Variants in APBA2 observed in about 807,000 individuals in gnomAD.
APBA2 encodes amyloid-beta A4 precursor protein-binding family A member 2.
In APBA2, 30 loss-of-function variants were observed where a neutral mutation model predicts 75.0. The ratio of observed to expected loss-of-function variants is 0.40; its 90% CI spans 0.30 to 0.54. The LOEUF is 0.54. Among genes scored for constraint, APBA2 ranks in the 20% least tolerant of loss-of-function variants. APBA2 has a pLI of 0.49. For synonymous variants in APBA2, 444 were observed against 409.6 expected (o/e 1.08, Z -1.01); for missense variants, 801 against 1,016.1 (o/e 0.79, Z 2.88).
intron 2 of APBA2, among the ~76,000 whole-genome samples, chr15:28,943,869 G>A (rs1401324042): frequency 6.6e-6 from 1 of 152,162 alleles, no homozygotes; most frequent in African/African-American, 2.4e-5. Flanking sequence ...TACATGGTGT[G>A]CCCACAGGCT....
intron 1 of APBA2, among the ~76,000 whole-genome samples, chr15:28,910,121 C>T (rs1183391900): frequency 4.6e-5 from 7 of 152,146 alleles, no homozygotes; most frequent in African/African-American, 1.7e-4. Flanking sequence ...GGATGGCCAG[C>T]GGAGTGGGGA....
intron 3 of APBA2, among the ~76,000 whole-genome samples, chr15:29,014,937 C>T (rs2039583347): frequency 6.6e-6 from 1 of 152,116 alleles, no homozygotes. Context: ...TTCTCCATTT[C>T]CTTCAAAATC....
At chr15:29,028,631 A>G (rs1308744711) in intron 3 of APBA2, among the ~76,000 whole-genome samples, 5 of 152,202 alleles carry the variant, frequency 3.3e-5, no homozygotes, top group African/African-American at 1.2e-4. Flanking sequence ...CCAACAGTAT[A>G]CAAGCATTCC....
chr15:29,056,055 C>T (rs903201364), intron 4 of APBA2, among the ~76,000 whole-genome samples: 2 of 152,164 alleles, frequency 1.3e-5, no homozygotes, highest in Admixed American at 6.5e-5. Flanking sequence ...GTGGTGAAGG[C>T]ACCTCAGGGA....
chr15:28,958,580 A>G (rs2036296315), intron 2 of APBA2, among the ~76,000 whole-genome samples: 1 of 152,160 alleles, frequency 6.6e-6, no homozygotes, highest in Admixed American at 6.5e-5. Context: ...TAATGGCTTC[A>G]TTTTGTCAGC....
At chr15:28,989,652 A>G (rs1336720597) in intron 2 of APBA2, among the ~76,000 whole-genome samples, 1 of 152,210 alleles carries the variant, frequency 6.6e-6, no homozygotes, top group Non-Finnish European at 1.5e-5. Flanking sequence ...GGGAATTGGA[A>G]GGCATCAGGC....
At chr15:29,040,817 T>C (rs890777275) in intron 3 of APBA2, among the ~76,000 whole-genome samples, 2 of 152,164 alleles carry the variant, frequency 1.3e-5, no homozygotes, top group African/African-American at 4.8e-5. Flanking sequence ...AGCAAAAAAA[T>C]CTGACTAATT....
Position 29,081,420 on chromosome 15 carries a change from C to T in APBA2, c.1069+5329C>T, listed in dbSNP as rs576209187. Among the ~76,000 whole-genome samples the T allele has an allele frequency of 5.9e-5, 9 of 152,260 alleles. No homozygotes were observed. The South Asian group carries it at 1.2e-3, about 21-fold the overall frequency. ...GCAGTCAGCAGGAATAGGGATTCGT[C>T]GTTTTAAAATCTGAACTTTTATTCA... On this transcript the variant is annotated intron_variant, in intron 6 of 14. Transcript: ENST00000683413.
intron 1 of APBA2, among the ~76,000 whole-genome samples, chr15:28,904,957 C>G (rs914192078): frequency 6.4e-4 from 98 of 152,198 alleles, no homozygotes; most frequent in African/African-American, 2.3e-3. Flanking sequence ...GGGCCGCTGA[C>G]CTGATGGGTT....
At chr15:29,045,229 C>T (rs1341264861) in intron 3 of APBA2, among the ~76,000 whole-genome samples, 2 of 151,484 alleles carry the variant, frequency 1.3e-5, no homozygotes, top group East Asian at 1.9e-4. Context: ...CAGGTGCACG[C>T]CACCATGCCT....
At chr15:29,039,666 T>C (rs1173866371) in intron 3 of APBA2, among the ~76,000 whole-genome samples, 2 of 152,156 alleles carry the variant, frequency 1.3e-5, no homozygotes, top group African/African-American at 4.8e-5. Context: ...GCGTGACCTT[T>C]CCTGCCGATG....
At chr15:29,011,886 T>A (rs2039421797) in intron 3 of APBA2, among the ~76,000 whole-genome samples, 1 of 152,222 alleles carries the variant, frequency 6.6e-6, no homozygotes, top group Admixed American at 6.5e-5. Context: ...TTGCCCTTTT[T>A]AATTATGAAT....
intron 3 of APBA2, among the ~76,000 whole-genome samples, chr15:29,043,444 CT>C: frequency 6.6e-6 from 1 of 152,228 alleles, no homozygotes; most frequent in Admixed American, 6.5e-5. Flanking sequence ...GCTTCCTGGG[CT>C]TTTTTATGCT....
At chr15:28,954,446 C>T (rs1421818025) in intron 2 of APBA2, among the ~76,000 whole-genome samples, 1 of 152,190 alleles carries the variant, frequency 6.6e-6, no homozygotes, top group Non-Finnish European at 1.5e-5. Context: ...AACTTTATCA[C>T]CTTCTTCGTG....
At chr15:28,961,110 C>T (rs1041814028) in intron 2 of APBA2, among the ~76,000 whole-genome samples, 1 of 152,108 alleles carries the variant, frequency 6.6e-6, no homozygotes, top group Non-Finnish European at 1.5e-5. Flanking sequence ...TGAGTCACAC[C>T]GGGAAGTGAT....
At chr15:28,972,730 G>T (rs1189066584) in intron 2 of APBA2, among the ~76,000 whole-genome samples, 2 of 152,176 alleles carry the variant, frequency 1.3e-5, no homozygotes, top group African/African-American at 2.4e-5. Context: ...CGGCAGAAAT[G>T]GTCTGCCCTG....
chr15:29,032,903 G>A (rs2040555050), intron 3 of APBA2, among the ~76,000 whole-genome samples: 1 of 152,212 alleles, frequency 6.6e-6, no homozygotes, highest in Non-Finnish European at 1.5e-5. Context: ...AGTACATGTG[G>A]ACAGGTCAGA....
At chr15:28,987,708 G>A in intron 2 of APBA2, among the ~76,000 whole-genome samples, 1 of 136,048 alleles carries the variant, frequency 7.4e-6, no homozygotes, top group Admixed American at 7.6e-5. Context: ...TGAAGGGAGT[G>A]TCAAAGAATA....
rs2031690453 is a variant in APBA2 at position 28,886,049 on chromosome 15, T to C, written c.-434T>C. 6.7e-6 allele frequency: 1 copy of C among 148,418 alleles called. No individual in the cohort carries two copies. Among genetic ancestry groups the C allele is most frequent in the Non-Finnish European group, 1.5e-5 (1 of 66,832 alleles). 9.2% of individuals were successfully genotyped at this position (148,418 alleles called of 1,614,324 possible). ...CCGGCAGCCGCAGGCCGGTGCGGGATGCGCCCCGCAGCCGCGCCGCGTGCG... is the reference window on the plus strand; with the variant it reads ...CCGGCAGCCGCAGGCCGGTGCGGGACGCGCCCCGCAGCCGCGCCGCGTGCG... On this transcript the variant is annotated 5_prime_UTR_variant, in exon 1 of 15. The change abolishes an upstream ATG in the 5' untranslated region. Coordinates refer to ENST00000683413, the MANE Select transcript of APBA2 (RefSeq NM_001353788.2).
Sources: gnomAD v4.1 joint callset for allele counts (sites outside exome capture counted in the v4.1 genomes callset) on GRCh38, gnomAD v4.1.1 for gene constraint, MANE v1.5 for transcripts, NCBI Gene and HGNC (gene_info 2026-07-23, HGNC 2026-07-21) for gene names.